CYP4F22: variants seen among roughly 807,000 people sequenced by gnomAD.
The protein encoded by CYP4F22 is ultra-long-chain fatty acid omega-hydroxylase.
Under a neutral mutation model 60.4 loss-of-function variants are expected in CYP4F22, and 37 were observed. That is an observed-to-expected ratio of 0.61 (90% CI 0.47 to 0.81). The LOEUF (loss-of-function observed/expected upper bound fraction) is 0.81. Ranked by LOEUF, CYP4F22 falls within the 30% of genes least tolerant of loss-of-function variation. The pLI is 0.00. For synonymous variants in CYP4F22, 258 were observed against 280.5 expected (o/e 0.92, Z 0.80); for missense variants, 655 against 715.0 (o/e 0.92, Z 0.96).
intron 4 of CYP4F22, among the ~76,000 whole-genome samples, chr19:15,535,467 T>A (rs1402109993): frequency 1.3e-5 from 2 of 152,180 alleles, no homozygotes; most frequent in Non-Finnish European, 2.9e-5. Flanking sequence ...CAGGTAAAAG[T>A]GATATCACTC....
In CYP4F22 at chr19:15,522,330, CTGA is replaced by C. The variant is rs1449652386; in HGVS notation, c.-108-1356_-108-1354del. On this transcript the variant is annotated intron_variant, in intron 1 of 13. Coordinates refer to ENST00000269703, the MANE Select transcript of CYP4F22 (RefSeq NM_173483.4). Reference sequence around the variant, plus strand: ...TCCATCCCAATTGGGATCTCCAAATCTGATGATGACCCACCCAGCTGTTTTCCC... The same window carrying C: ...TCCATCCCAATTGGGATCTCCAAATCTGATGACCCACCCAGCTGTTTTCCC... Among the ~76,000 whole-genome samples, 47 of 152,056 alleles carry C rather than the reference CTGA, an allele frequency of 3.1e-4. 1 individual carries two copies. Among genetic ancestry groups the C allele is most frequent in the Admixed American group, 3.0e-3 (46 of 15,250 alleles).
intron 1 of CYP4F22, among the ~76,000 whole-genome samples, chr19:15,518,931 G>T (rs1971188755): frequency 6.6e-6 from 1 of 152,020 alleles, no homozygotes; most frequent in African/African-American, 2.4e-5. Flanking sequence ...TGGGGATGGA[G>T]AATGATGAAT....
intron 1 of CYP4F22, chr19:15,515,397 T>A: frequency 8.1e-7 from 1 of 1,234,374 alleles, no homozygotes; most frequent in Non-Finnish European, 1.2e-6. Flanking sequence ...TCTCTGTACT[T>A]TGTTGGTCCA....
Position 15,537,661 on chromosome 19 carries a change from A to G in CYP4F22, c.548A>G (p.His183Arg). 1.2e-6 allele frequency: 2 copies of G among 1,612,602 alleles called. No homozygotes were observed. Among genetic ancestry groups the G allele is most frequent in the Non-Finnish European group, 1.7e-6 (2 of 1,180,020 alleles). Residue 183 changes from histidine (H) to arginine (R), a missense_variant and splice_region_variant, in exon 6 of 14, where the codon CAT (histidine) becomes CGT (arginine). By Grantham distance (29) the His-to-Arg change is conservative. Transcript: ENST00000269703. ...TTCAACCAGAGCGCTGACATTATGC[A>G]TGTGAGTCCTAAGGCTTTGAGGGAA... Reference protein sequence around the residue: ...KIFNQSADIMHAKWRHLAEGS... With the variant: ...KIFNQSADIMRAKWRHLAEGS...
chr19:15,540,529 C>T lies in CYP4F22; in HGVS notation c.751C>T (p.Leu251Phe). 6.2e-7 allele frequency: 1 copy of T among 1,614,218 alleles called. No homozygotes were observed. Among genetic ancestry groups the T allele is most frequent in the Non-Finnish European group, 8.5e-7 (1 of 1,180,046 alleles). ...VRRQYRLHHY[L>F]DFIYYRSADG... Reference sequence around the variant, plus strand: ...GCGCCAGTATCGCTTGCACCACTACCTCGACTTCATTTACTACCGCTCGGC... The same window carrying T: ...GCGCCAGTATCGCTTGCACCACTACTTCGACTTCATTTACTACCGCTCGGC... Residue 251 changes from leucine to phenylalanine, a missense_variant, in exon 8 of 14, where the codon CTC becomes TTC. By Grantham distance (22) the Leu-to-Phe change is conservative. Around this residue, in one of 3 missense-constraint regions of CYP4F22, gnomAD observed 430 missense variants for 457.1 expected, o/e 0.94. Coordinates refer to ENST00000269703, the MANE Select transcript of CYP4F22 (RefSeq NM_173483.4).
At chr19:15,509,594 G>A (rs1381879113) in intron 1 of CYP4F22, among the ~76,000 whole-genome samples, 2 of 152,122 alleles carry the variant, frequency 1.3e-5, no homozygotes, top group African/African-American at 4.8e-5. Flanking sequence ...TTACAGGCAC[G>A]GAAACTGAGG....
intron 8 of CYP4F22, among the ~76,000 whole-genome samples, chr19:15,541,968 G>C (rs1355076200): frequency 6.6e-6 from 1 of 152,142 alleles, no homozygotes; most frequent in African/African-American, 2.4e-5. Flanking sequence ...TTGGGTTCTG[G>C]ATTCAAATAG....
At chr19:15,521,913 G>A (rs1971230534) in intron 1 of CYP4F22, among the ~76,000 whole-genome samples, 1 of 152,092 alleles carries the variant, frequency 6.6e-6, no homozygotes, top group Non-Finnish European at 1.5e-5. Context: ...GGGAGGTGGA[G>A]GTGGGTGGAT....
rs1194401616 is a variant in CYP4F22, at chr19:15,540,577, G to T, written c.799G>T (p.Ala267Ser). The T allele has an allele frequency of 6.2e-7, 1 of 1,614,234 alleles. No homozygotes were observed. Among genetic ancestry groups the T allele is most frequent in the Admixed American group, 1.7e-5 (1 of 60,028 alleles). ...GGCGGATGGGCGGAGGTTCCGGCAG[G>T]CCTGTGACATGGTGCACCACTTCAC... Reference protein sequence around the residue: ...RSADGRRFRQACDMVHHFTTE... With the variant: ...RSADGRRFRQSCDMVHHFTTE... The change falls in exon 8 of 14, where the codon GCC becomes TCC. Residue 267 changes from alanine (A) to serine (S), a missense_variant. Ala to Ser is a moderately conservative substitution (Grantham distance 99). This residue lies in a region of CYP4F22 where 430 missense variants were observed against 457.1 expected (regional missense o/e 0.94). Coordinates refer to ENST00000269703, the MANE Select transcript of CYP4F22 (RefSeq NM_173483.4).
chr19:15,542,348 A>G (rs555566405), intron 8 of CYP4F22, among the ~76,000 whole-genome samples: 4 of 151,134 alleles, frequency 2.6e-5, no homozygotes, highest in Admixed American at 1.3e-4. Context: ...CCTGGCCAAC[A>G]TATTGAAACA....
chr19:15,510,278 G>T (rs1428235842), intron 1 of CYP4F22, among the ~76,000 whole-genome samples: 7 of 152,210 alleles, frequency 4.6e-5, no homozygotes, highest in Admixed American at 1.3e-4. Flanking sequence ...CACTGCGCCT[G>T]ACTCATCTCT....
At position 15,527,574 on chromosome 19, in the gene CYP4F22, A is replaced by C. The variant is rs939101155; in HGVS notation, c.222+2016A>C. On this transcript the variant is annotated intron_variant, in intron 3 of 13. Transcript: ENST00000269703. ...GCTCTAGTGCCTGGAGGAGTTGGCC[A>C]GGGTCAGCTCTAAAGCCCAGCCTTG... 3.3e-5 allele frequency among the ~76,000 whole-genome samples: 5 copies of C among 152,336 alleles called. No individual in the cohort carries two copies. In the East Asian group the frequency reaches 5.8e-4, roughly 18 times the overall value.
At chr19:15,547,992 AGAGGGAGAGAGTGT>A (rs774476239) in intron 10 of CYP4F22, 102 bp from the exon 11 acceptor site, 21,913 of 493,172 alleles carry the variant, frequency 0.044, 2,832 homozygotes, top group South Asian at 0.046. Context: ...AGAGAGAGAG[AGAGGGAGAGAGTGT>A]GTGTGTGTGT....
At chr19:15,520,870 C>G (rs1395101168) in intron 1 of CYP4F22, among the ~76,000 whole-genome samples, 1 of 151,830 alleles carries the variant, frequency 6.6e-6, no homozygotes, top group African/African-American at 2.4e-5. Context: ...TGGGTTCGAG[C>G]AATTCTCCTG....
In CYP4F22 at chr19:15,509,917, C is replaced by CTTT. The variant is rs1280717357; in HGVS notation, c.-109+1334_-109+1335insTTT. 1.2e-4 allele frequency among the ~76,000 whole-genome samples: 17 copies of CTTT among 141,314 alleles called. 1 individual carries two copies. The highest frequency in any genetic ancestry group is 3.8e-4 in the African/African-American group (14 of 37,312). The allele number at this position is 141,314 out of a possible 152,430, so 92.7% of individuals were successfully genotyped here. A position where few individuals can be genotyped will look rare whatever the true frequency, so the allele number is the denominator to read the frequency against. On this transcript the variant is annotated intron_variant, in intron 1 of 13. Transcript: ENST00000269703. ...CCTTCCTTCCTTCCTTTCTTTCTTT[C>CTTT]CTTCCTTCTTTCTTTCTTTCTTTCT...
At position 15,513,362 on chromosome 19, in the gene CYP4F22, T is replaced by TATATA. The variant is rs199855500; in HGVS notation, c.-109+4779_-109+4780insATATA. Among the ~76,000 whole-genome samples the TATATA allele has an allele frequency of 7.4e-4, 56 of 75,196 alleles. 1 individual carries two copies. Among genetic ancestry groups the TATATA allele is most frequent in the African/African-American group, 1.4e-3 (23 of 16,088 alleles). 49.3% of individuals were successfully genotyped at this position (75,196 alleles called of 152,430 possible). A position where few individuals can be genotyped will look rare whatever the true frequency, so the allele number is the denominator to read the frequency against. Reference sequence around the variant, plus strand: ...TGCTAATTTTTTGTATATATATATATTTTTTTTTTTTTTTTTTTTTGAGAC... The same window carrying TATATA: ...TGCTAATTTTTTGTATATATATATATATATATTTTTTTTTTTTTTTTTTTTGAGAC... On this transcript the variant is annotated intron_variant, in intron 1 of 13. Transcript: ENST00000269703.
rs534702412 is a variant in CYP4F22, at chr19:15,551,897, C to A, written c.*426C>A. 3.2e-4 allele frequency: 57 copies of A among 179,550 alleles called. No homozygotes were observed. The highest frequency in any genetic ancestry group is 1.3e-3 in the African/African-American group (53 of 41,926). 11.1% of individuals were successfully genotyped at this position (179,550 alleles called of 1,614,324 possible). On this transcript the variant is annotated 3_prime_UTR_variant, in exon 14 of 14. Transcript: ENST00000269703. ...ACTCAGGGCCCACCACACCCCACCC[C>A]CCCCCAACTGGCTGAACCCCTGGCA... is the stretch of plus-strand genomic sequence containing the variant.
intron 13 of CYP4F22, among the ~76,000 whole-genome samples, chr19:15,551,038 G>A (rs1971589183): frequency 6.6e-6 from 1 of 152,170 alleles, no homozygotes; most frequent in African/African-American, 2.4e-5. Context: ...TGAAGGAACT[G>A]AGACTCAGAG....
At chr19:15,525,070 G>A (rs1029843797) in intron 2 of CYP4F22, among the ~76,000 whole-genome samples, 7 of 152,160 alleles carry the variant, frequency 4.6e-5, no homozygotes, top group African/African-American at 9.7e-5. Flanking sequence ...CAGCCTGACC[G>A]GCTATGCCTG....
Sources: allele counts gnomAD v4.1 joint callset (sites outside exome capture counted in the v4.1 genomes callset), GRCh38; gene constraint gnomAD v4.1.1; regional missense constraint gnomAD v4.1.1; transcripts MANE v1.5; gene names NCBI Gene and HGNC (gene_info 2026-07-23, HGNC 2026-07-21).